Variants in FLYWCH2 observed in about 807,000 individuals in gnomAD.
FLYWCH2 encodes the protein FLYWCH family member 2.
FLYWCH2 carries 2 observed loss-of-function variants against 6.0 expected under a neutral mutation model. That is an observed-to-expected ratio of 0.33 (90% CI 0.14 to 1.04). The LOEUF (loss-of-function observed/expected upper bound fraction) is 1.04. Ranked by LOEUF, FLYWCH2 falls within the 50% of genes least tolerant of loss-of-function variation. The probability of loss-of-function intolerance (pLI) is 0.45; values close to 1 mark genes in which losing one functional copy is unlikely to be tolerated. For missense variants in FLYWCH2, 192 were observed against 183.4 expected (o/e 1.05, Z -0.27); for synonymous variants, 87 against 79.3 (o/e 1.10, Z -0.52).
intron 1 of FLYWCH2, among the ~76,000 whole-genome samples, chr16:2,887,408 A>AC (rs1409148701): frequency 6.9e-6 from 1 of 144,152 alleles, no homozygotes; most frequent in Non-Finnish European, 1.5e-5. Flanking sequence ...AGATCTGCCC[A>AC]CCTCAGCCTC....
Position 2,899,038 on chromosome 16 carries a change from TTC to T in FLYWCH2, c.323-6_323-5del. On this transcript the variant is annotated splice_polypyrimidine_tract_variant and intron_variant, in intron 3 of 3. Coordinates refer to ENST00000396958, the MANE Select transcript of FLYWCH2 (RefSeq NM_138439.3). ...ATTGACACCAGCCTGATCCACCCTCTTCTCTCGCAGGCACAGACAGAACAGAA... is the reference window on the plus strand; with the variant it reads ...ATTGACACCAGCCTGATCCACCCTCTTCTCGCAGGCACAGACAGAACAGAA... 6.2e-7 allele frequency: 1 copy of T among 1,607,250 alleles called. No homozygotes were observed. The highest frequency in any genetic ancestry group is 8.5e-7 in the Non-Finnish European group (1 of 1,176,740).
At chr16:2,883,633 GCCGCGCCCAGCGCTGCCT>G (rs2069665408) in intron 1 of FLYWCH2, among the ~76,000 whole-genome samples, 24 of 152,170 alleles carry the variant, frequency 1.6e-4, no homozygotes, top group Admixed American at 1.2e-3. Flanking sequence ...GGCCGTGTCC[GCCGCGCCCAGCGCTGCCT>G]TCCCGGCACC....
At chr16:2,892,212 A>G (rs902832676) in intron 1 of FLYWCH2, among the ~76,000 whole-genome samples, 1 of 148,660 alleles carries the variant, frequency 6.7e-6, no homozygotes, top group African/African-American at 2.5e-5. Flanking sequence ...AACTATTTAC[A>G]GGCCAGGTGT....
At chr16:2,895,880 C>G (rs2069813240) in intron 2 of FLYWCH2, among the ~76,000 whole-genome samples, 1 of 152,226 alleles carries the variant, frequency 6.6e-6, no homozygotes, top group African/African-American at 2.4e-5. Context: ...TGGTCATGGG[C>G]TCTGTGTCCA....
intron 3 of FLYWCH2, 71 bp from the exon 4 acceptor site, chr16:2,898,978 G>C (rs2069852477): frequency 8.0e-7 from 1 of 1,253,274 alleles, no homozygotes; most frequent in South Asian, 1.4e-5. Context: ...AGGCCTGGTA[G>C]ACCCCCAACA....
intron 3 of FLYWCH2, among the ~76,000 whole-genome samples, chr16:2,897,241 T>TCGAGTCACGCAGGATGAGACTCC (rs1321519570): frequency 6.6e-6 from 1 of 152,140 alleles, no homozygotes; most frequent in Non-Finnish European, 1.5e-5. Context: ...CTCTGGAGAC[T>TCGAGTCACGCAGGATGAGACTCC]CGAGTCACGC....
At chr16:2,885,195 G>T (rs950758619) in intron 1 of FLYWCH2, among the ~76,000 whole-genome samples, 1 of 152,020 alleles carries the variant, frequency 6.6e-6, no homozygotes, top group Non-Finnish European at 1.5e-5. Context: ...GGTGGCAGGC[G>T]CCTGTAGTCC....
chr16:2,885,514 C>T (rs1353310550), intron 1 of FLYWCH2, among the ~76,000 whole-genome samples: 22 of 152,170 alleles, frequency 1.4e-4, no homozygotes, highest in Admixed American at 1.2e-3. Flanking sequence ...GTTCTGTCTC[C>T]ATAGATTTTC....
intron 1 of FLYWCH2, among the ~76,000 whole-genome samples, chr16:2,890,240 TTG>T (rs2069741386): frequency 6.7e-6 from 1 of 149,752 alleles, no homozygotes; most frequent in Non-Finnish European, 1.5e-5. Context: ...TTTTTTTTTT[TTG>T]TTTTTGTTGT....
chr16:2,896,284 C>T, intron 2 of FLYWCH2, 68 bp from the exon 3 acceptor site: 3 of 878,368 alleles, frequency 3.4e-6, no homozygotes, highest in Non-Finnish European at 5.0e-6. Context: ...CCCCACCTCC[C>T]TCCCAGATCC....
chr16:2,890,658 G>A (rs1231156248), intron 1 of FLYWCH2, among the ~76,000 whole-genome samples: 1 of 150,796 alleles, frequency 6.6e-6, no homozygotes, highest in Non-Finnish European at 1.5e-5. Context: ...TCCTGACCTT[G>A]TGATCCACCC....
At chr16:2,896,857 C>A in intron 3 of FLYWCH2, 86 bp downstream of exon 3, 1 of 1,263,708 alleles carries the variant, frequency 7.9e-7, no homozygotes, top group South Asian at 1.4e-5. Context: ...AGGCGCTTCT[C>A]CCTGGCATGC....
At chr16:2,889,405 T>C (rs2069731941) in intron 1 of FLYWCH2, among the ~76,000 whole-genome samples, 1 of 151,890 alleles carries the variant, frequency 6.6e-6, no homozygotes, top group South Asian at 2.1e-4. Context: ...AGAGATGGCA[T>C]TTCACCGTGT....
At chr16:2,893,597 TG>T (rs2069783148) in intron 1 of FLYWCH2, among the ~76,000 whole-genome samples, 1 of 151,766 alleles carries the variant, frequency 6.6e-6, no homozygotes, top group Non-Finnish European at 1.5e-5. Flanking sequence ...GAATTTGAGA[TG>T]GGGCTGACGT....
At chr16:2,892,684 A>C (rs2069771338) in intron 1 of FLYWCH2, among the ~76,000 whole-genome samples, 1 of 151,678 alleles carries the variant, frequency 6.6e-6, no homozygotes, top group African/African-American at 2.4e-5. Flanking sequence ...TATCTACTAA[A>C]AATATAAAAA....
At chr16:2,895,455 A>G (rs2069808290) in intron 2 of FLYWCH2, 135 bp downstream of exon 2, 1 of 152,334 alleles carries the variant, frequency 6.6e-6, no homozygotes, top group Non-Finnish European at 1.5e-5. Flanking sequence ...TCTACTAAAA[A>G]TACAAAAAAT....
In FLYWCH2 at chr16:2,887,038, C is replaced by G. The variant is rs2069705996; in HGVS notation, c.-200+3672C>G. On this transcript the variant is annotated intron_variant, in intron 1 of 3. Coordinates refer to ENST00000396958, the MANE Select transcript of FLYWCH2 (RefSeq NM_138439.3). ...TTATTTCTTCATTGGTTGTTTGTGC[C>G]TTTCATTATATTGAAGAAAGCTTTG... 1.3e-5 allele frequency among the ~76,000 whole-genome samples: 2 copies of G among 151,998 alleles called. 1 individual carries two copies. The highest frequency in any genetic ancestry group is 4.1e-4 in the South Asian group (2 of 4,826).
chr16:2,896,850 C>G, intron 3 of FLYWCH2, 79 bp downstream of exon 3: 5 of 1,336,982 alleles, frequency 3.7e-6, no homozygotes, highest in Non-Finnish European at 5.1e-6. Context: ...CTCCATCAGG[C>G]GCTTCTCCCT....
intron 1 of FLYWCH2, among the ~76,000 whole-genome samples, chr16:2,890,228 GTTTT>G (rs200322274): frequency 0.29 from 41,074 of 139,920 alleles, 5,670 homozygotes; most frequent in African/African-American, 0.34. Context: ...TTTTGTTTTT[GTTTT>G]TTTTTTTTTG....
Sources: gnomAD v4.1 joint callset for allele counts (sites outside exome capture counted in the v4.1 genomes callset) on GRCh38, gnomAD v4.1.1 for gene constraint, MANE v1.5 for transcripts, NCBI Gene and HGNC (gene_info 2026-07-23, HGNC 2026-07-21) for gene names.